Variants in ADAMTS17 observed in about 807,000 individuals in gnomAD.
The protein encoded by ADAMTS17 is A disintegrin and metalloproteinase with thrombospondin motifs 17.
In ADAMTS17, 113 loss-of-function variants were observed where a neutral mutation model predicts 141.5. The ratio of observed to expected loss-of-function variants is 0.80; its 90% CI spans 0.69 to 0.93. The LOEUF (loss-of-function observed/expected upper bound fraction) is 0.93, where lower values mean the gene tolerates loss of function less well. Among genes scored for constraint, ADAMTS17 ranks in the 40% least tolerant of loss-of-function variants. ADAMTS17 has a pLI of 0.00. For synonymous variants in ADAMTS17, 768 were observed against 630.6 expected (o/e 1.22, Z -3.27); for missense variants, 1,659 against 1,517.9 (o/e 1.09, Z -1.54).
At chr15:100,006,232 A>G (rs752614037) in intron 18 of ADAMTS17, among the ~76,000 whole-genome samples, 1 of 151,792 alleles carries the variant, frequency 6.6e-6, no homozygotes, top group African/African-American at 2.4e-5. Flanking sequence ...TGCAACCTTA[A>G]CTCCTCTTGG....
chr15:100,281,540 T>C, intron 3 of ADAMTS17, 139 bp from the exon 4 acceptor site: 4 of 1,135,940 alleles, frequency 3.5e-6, no homozygotes, highest in Middle Eastern at 2.7e-4. Flanking sequence ...CCCAGCAATC[T>C]CCACCGTCAT....
chr15:100,000,267 G>C (rs764412684), intron 18 of ADAMTS17, among the ~76,000 whole-genome samples: 12 of 152,208 alleles, frequency 7.9e-5, no homozygotes, highest in Non-Finnish European at 1.5e-4. Context: ...ATTTCTCCTA[G>C]TTCTGGTCTT....
At chr15:100,305,078 A>G (rs1308382221) in intron 3 of ADAMTS17, among the ~76,000 whole-genome samples, 2 of 152,126 alleles carry the variant, frequency 1.3e-5, no homozygotes, top group Admixed American at 6.5e-5. Context: ...GTTTCTGGAG[A>G]GTCAAAAGTT....
chr15:100,257,793 A>G (rs2043376437), intron 6 of ADAMTS17, among the ~76,000 whole-genome samples: 1 of 152,216 alleles, frequency 6.6e-6, no homozygotes, highest in Non-Finnish European at 1.5e-5. Flanking sequence ...TTAACCATTG[A>G]GTGTAAAGCT....
intron 3 of ADAMTS17, chr15:100,306,236 T>G (rs961380231): frequency 3.0e-6 from 1 of 334,000 alleles, no homozygotes; most frequent in African/African-American, 2.2e-5. Context: ...CGGTGGGGTC[T>G]ATCTCTCTGC....
intron 7 of ADAMTS17, among the ~76,000 whole-genome samples, chr15:100,204,364 G>T (rs973775751): frequency 6.6e-6 from 1 of 152,204 alleles, no homozygotes; most frequent in Non-Finnish European, 1.5e-5. Context: ...CACCGTCATA[G>T]TTATTTCTGG....
At chr15:100,064,379 G>A (rs1448767750) in intron 15 of ADAMTS17, among the ~76,000 whole-genome samples, 1 of 152,166 alleles carries the variant, frequency 6.6e-6, no homozygotes, top group Non-Finnish European at 1.5e-5. Context: ...CACCTAGTTT[G>A]CGGCACTTTG....
intron 3 of ADAMTS17, among the ~76,000 whole-genome samples, chr15:100,283,544 C>T (rs4965626): frequency 2.0e-5 from 3 of 152,146 alleles, no homozygotes; most frequent in African/African-American, 2.4e-5. Context: ...TGGCAGCCGC[C>T]GCCCTTCTCA....
intron 18 of ADAMTS17, among the ~76,000 whole-genome samples, chr15:100,023,696 C>G (rs2061447637): frequency 6.6e-6 from 1 of 152,122 alleles, no homozygotes; most frequent in African/African-American, 2.4e-5. Context: ...TAGCACAGAG[C>G]CTCGTGCTTC....
chr15:100,098,602 G>A (rs940235480), intron 14 of ADAMTS17, among the ~76,000 whole-genome samples: 1 of 151,860 alleles, frequency 6.6e-6, no homozygotes, highest in Admixed American at 6.6e-5. Flanking sequence ...GGCGGAGGTT[G>A]CAGTGAGCTG....
chr15:100,012,110 T>A (rs113095923), intron 18 of ADAMTS17, among the ~76,000 whole-genome samples: 8 of 152,266 alleles, frequency 5.3e-5, no homozygotes, highest in African/African-American at 1.9e-4. Flanking sequence ...GGGTATCGCA[T>A]TGTGGTTTTG....
At chr15:100,036,676 G>A (rs867093740) in intron 18 of ADAMTS17, among the ~76,000 whole-genome samples, 1 of 152,124 alleles carries the variant, frequency 6.6e-6, no homozygotes, top group African/African-American at 2.4e-5. Flanking sequence ...CTACAATCTA[G>A]GATCTTTTTA....
rs200941441 is a variant in ADAMTS17 at position 100,152,975 on chromosome 15, A to AAGAGAATACTTGCCTGGG, written c.1323-214_1323-213insCCCAGGCAAGTATTCTCT. Among the ~76,000 whole-genome samples, 14 of 151,258 alleles carry AAGAGAATACTTGCCTGGG rather than the reference A, an allele frequency of 9.3e-5. 2 individuals are homozygous for AAGAGAATACTTGCCTGGG. The South Asian group carries it at 2.9e-3, about 32-fold the overall frequency. The stretch of plus-strand genomic sequence containing the variant: ...GGCCAAATGTGAATCTTCGCTCTGA[A>AAGAGAATACTTGCCTGGG]GGTAGTAAGAACCTGGAGACTCGGG... On this transcript the variant is annotated intron_variant, in intron 9 of 21. Transcript: ENST00000268070.
At chr15:100,177,777 T>G (rs1370490220) in intron 8 of ADAMTS17, among the ~76,000 whole-genome samples, 1 of 152,208 alleles carries the variant, frequency 6.6e-6, no homozygotes, top group Non-Finnish European at 1.5e-5. Context: ...CTAGCTATAA[T>G]TGTGGATTCA....
At position 99,974,388 on chromosome 15, in the gene ADAMTS17, C is replaced by A. The variant is rs369831239; in HGVS notation, c.*14G>T. 1 of 1,614,042 alleles carries A rather than the reference C, an allele frequency of 6.2e-7. No homozygotes were observed. ...ACCTGAGTCTGAGCTTTGAGCGACC[C>A]TTGGGACTGCGTGTCACGAGTTCGG... On this transcript the variant is annotated 3_prime_UTR_variant, in exon 22 of 22. Transcript: ENST00000268070.
At chr15:100,306,946 C>G (rs1181783219) in intron 3 of ADAMTS17, among the ~76,000 whole-genome samples, 1 of 152,106 alleles carries the variant, frequency 6.6e-6, no homozygotes, top group Non-Finnish European at 1.5e-5. Context: ...CTCTGCTGAC[C>G]CTGACAGAAA....
At chr15:100,118,820 C>A (rs139934882) in intron 12 of ADAMTS17, among the ~76,000 whole-genome samples, 1 of 152,128 alleles carries the variant, frequency 6.6e-6, no homozygotes, top group African/African-American at 2.4e-5. Context: ...GGAGAAGGAA[C>A]GAGTGAGGCA....
At chr15:100,147,367 T>C (rs7169269) in intron 10 of ADAMTS17, among the ~76,000 whole-genome samples, 105,188 of 151,572 alleles carry the variant, frequency 0.69, 37,520 homozygotes, top group East Asian at 0.87. Context: ...GGCAGACCTT[T>C]CATTGTGTAA....
In ADAMTS17 at chr15:100,281,378, T is replaced by A. The variant is rs1378436658; in HGVS notation, c.640A>T (p.Arg214Trp). Residue 214 changes from arginine (R) to tryptophan (W), a missense_variant, in exon 4 of 22, where the codon AGG (arginine) becomes TGG (tryptophan). Arg to Trp is a moderately radical substitution (Grantham distance 101, BLOSUM62 -3). Coordinates refer to ENST00000268070, the MANE Select transcript of ADAMTS17 (RefSeq NM_139057.4). Reference sequence around the variant, plus strand: ...CGCTCCCGCCAGTCCCGCGAAGGCCTGCCCCACGTCGGCTTCTTCTTTTCT... The same window carrying A: ...CGCTCCCGCCAGTCCCGCGAAGGCCAGCCCCACGTCGGCTTCTTCTTTTCT... ...LTEKKKPTWG[R>W]PSRDWRERRN... The A allele has an allele frequency of 6.2e-7, 1 of 1,612,562 alleles. No homozygotes were observed. The highest frequency in any genetic ancestry group is 1.3e-5 in the African/African-American group (1 of 74,938).
Sources: allele counts gnomAD v4.1 joint callset (sites outside exome capture counted in the v4.1 genomes callset), GRCh38; gene constraint gnomAD v4.1.1; transcripts MANE v1.5; gene names NCBI Gene and HGNC (gene_info 2026-07-23, HGNC 2026-07-21).